The following SYNE2 variants were observed in gnomAD, a reference collection of about 807,000 sequenced individuals.
SYNE2 encodes the protein nesprin-2.
Under a neutral mutation model 856.3 loss-of-function variants are expected in SYNE2, and 431 were observed. That is an observed-to-expected ratio of 0.50 (90% CI 0.47 to 0.55). The LOEUF (loss-of-function observed/expected upper bound fraction) is 0.55. Ranked by LOEUF, SYNE2 falls within the 20% of genes least tolerant of loss-of-function variation. SYNE2 has a pLI of 0.00. For missense variants in SYNE2, 8,129 were observed against 8,023.2 expected, an observed-to-expected ratio of 1.01 and a Z score of -0.50; for synonymous variants, 2,923 against 2,872.3, an observed-to-expected ratio of 1.02 and a Z score of -0.56.
chr14:64,179,341 G>A (rs1052428808), intron 96 of SYNE2, among the ~76,000 whole-genome samples: 3 of 152,144 alleles, frequency 2.0e-5, no homozygotes, highest in Admixed American at 6.5e-5. Flanking sequence ...GTTTCGCCAC[G>A]TTGGCCAGGC....
chr14:64,149,480 G>A (rs371025085), intron 84 of SYNE2, among the ~76,000 whole-genome samples: 18 of 152,206 alleles, frequency 1.2e-4, no homozygotes, highest in East Asian at 1.2e-3. Flanking sequence ...GAAATATTCC[G>A]AAGGGCTTCT....
chr14:64,075,804 A>C, intron 53 of SYNE2, 141 bp from the exon 54 acceptor site: 1 of 815,058 alleles, frequency 1.2e-6, no homozygotes, highest in Admixed American at 2.0e-5. Flanking sequence ...GGGCTTAATC[A>C]GCTTGTATCA....
intron 7 of SYNE2, among the ~76,000 whole-genome samples, chr14:63,952,293 C>T (rs531548053): frequency 6.6e-6 from 1 of 152,222 alleles, no homozygotes; most frequent in African/African-American, 2.4e-5. Context: ...GCTGGTTCAA[C>T]ACTCAAGGTG....
At chr14:63,938,773 G>A (rs1216043729) in intron 2 of SYNE2, among the ~76,000 whole-genome samples, 1 of 152,196 alleles carries the variant, frequency 6.6e-6, no homozygotes, top group Non-Finnish European at 1.5e-5. Context: ...TATTGGGCAT[G>A]GAGGGGATTT....
intron 1 of SYNE2, among the ~76,000 whole-genome samples, chr14:63,800,756 A>C (rs1406495295): frequency 1.3e-5 from 2 of 152,222 alleles, no homozygotes; most frequent in African/African-American, 4.8e-5. Context: ...GTGGGAGCTA[A>C]ATGATGAGAA....
chr14:64,190,016 G>C (rs1368586186), intron 98 of SYNE2, 55 bp from the exon 99 acceptor site: 1 of 1,585,384 alleles, frequency 6.3e-7, no homozygotes, highest in Non-Finnish European at 8.7e-7. Flanking sequence ...TGTGGCTGGA[G>C]AAGAAATGAG....
At chr14:64,093,320 G>C (rs188996037) in intron 60 of SYNE2, 29 bp from the exon 61 acceptor site, 1 of 1,612,588 alleles carries the variant, frequency 6.2e-7, no homozygotes, top group Admixed American at 1.7e-5. Flanking sequence ...TTATGACAAA[G>C]ATTCTTTTTT....
chr14:64,081,612 T>C (rs1267665356), intron 57 of SYNE2, 32 bp downstream of exon 57: 3 of 1,612,104 alleles, frequency 1.9e-6, no homozygotes, highest in Non-Finnish European at 2.5e-6. Flanking sequence ...CTGCCACTCA[T>C]AGCATCTACA....
At chr14:64,150,624 T>C (rs1246426058) in intron 84 of SYNE2, among the ~76,000 whole-genome samples, 2 of 152,174 alleles carry the variant, frequency 1.3e-5, no homozygotes, top group Non-Finnish European at 2.9e-5. Flanking sequence ...TTTCTTTACA[T>C]TATAGGGGAA....
Position 64,065,449 on chromosome 14 carries a change from T to C in SYNE2, c.10230T>C (p.Leu3410=), listed in dbSNP as rs2097351776. The C allele has an allele frequency of 2.5e-6, 4 of 1,614,186 alleles. No individual in the cohort carries two copies. In the East Asian group the frequency reaches 8.9e-5, roughly 36 times the overall value. Residue 3410 remains leucine, a synonymous_variant, in exon 51 of 116, where the codon CTT becomes CTC. Coordinates refer to ENST00000555002, the MANE Select transcript of SYNE2 (RefSeq NM_182914.3). ...TTCTTAAGGCCTTGGTGTCAAATCT[T>C]ATATCAACCAAAGAAGAGTTAATGA... ...LEQSKALVSN[L]ISTKEELMKL...
intron 61 of SYNE2, among the ~76,000 whole-genome samples, chr14:64,093,838 A>G (rs1043128875): frequency 6.6e-6 from 1 of 152,112 alleles, no homozygotes; most frequent in African/African-American, 2.4e-5. Flanking sequence ...AGCTTGAAGC[A>G]TTTTGATGTG....
chr14:63,899,798 G>A (rs1195082101), intron 1 of SYNE2, among the ~76,000 whole-genome samples: 2 of 152,208 alleles, frequency 1.3e-5, no homozygotes, highest in Non-Finnish European at 2.9e-5. Flanking sequence ...CACTGTGCCT[G>A]AGTGTTTTCA....
Position 63,968,917 on chromosome 14 carries a change from T to C in SYNE2, c.1128+1071T>C, listed in dbSNP as rs181380188. Among the ~76,000 whole-genome samples, 24 of 152,356 alleles carry C rather than the reference T, an allele frequency of 1.6e-4. No individual in the cohort carries two copies. In the East Asian group the frequency reaches 3.1e-3, roughly 20 times the overall value. On this transcript the variant is annotated intron_variant, in intron 11 of 115. Transcript: ENST00000555002. ...TGACTGTAGTCACCGTGTTGTGCTA[T>C]CAAATAGTAGGTCTTATTTGTTCTT...
intron 95 of SYNE2, among the ~76,000 whole-genome samples, chr14:64,175,845 G>A (rs1035974138): frequency 9.9e-5 from 15 of 152,154 alleles, no homozygotes; most frequent in African/African-American, 3.4e-4. Context: ...TATATGCTGA[G>A]TTAGGGCTTG....
At chr14:64,001,154 A>G (rs1031528170) in intron 28 of SYNE2, among the ~76,000 whole-genome samples, 25 of 152,192 alleles carry the variant, frequency 1.6e-4, no homozygotes, top group African/African-American at 6.0e-4. Flanking sequence ...CTCAGAGTCT[A>G]TATATTACTT....
intron 12 of SYNE2, among the ~76,000 whole-genome samples, chr14:63,977,503 C>T (rs1000334248): frequency 1.4e-4 from 22 of 152,288 alleles, no homozygotes; most frequent in African/African-American, 3.1e-4. Flanking sequence ...TGAGCCACCA[C>T]GCCCAGCCAA....
In SYNE2 at chr14:63,976,644, G is replaced by A; in HGVS notation, c.1210G>A (p.Glu404Lys). 6.2e-7 allele frequency: 1 copy of A among 1,608,458 alleles called. No homozygotes were observed. The highest frequency in any genetic ancestry group is 8.5e-7 in the Non-Finnish European group (1 of 1,179,330). The change falls in exon 12 of 116, where the codon GAG becomes AAG. Residue 404 changes from glutamate to lysine, a missense_variant. By Grantham distance (56) the Glu-to-Lys change is moderately conservative. Transcript: ENST00000555002. Reference sequence around the variant, plus strand: ...TGAAGCTTGGCTCCAGGAGGTAGAAGAGCTTATGGATGAAGATTTGTCAGC... The same window carrying A: ...TGAAGCTTGGCTCCAGGAGGTAGAAAAGCTTATGGATGAAGATTTGTCAGC... ...QTEAWLQEVE[E>K]LMDEDLSASQ...
chr14:63,790,973 T>G (rs955165971), intron 1 of SYNE2, among the ~76,000 whole-genome samples: 15 of 152,044 alleles, frequency 9.9e-5, no homozygotes, highest in East Asian at 1.9e-4. Flanking sequence ...AGAATTTTTT[T>G]TTTTTAGACA....
chr14:63,887,734 C>T (rs2095030118), intron 1 of SYNE2, among the ~76,000 whole-genome samples: 1 of 148,808 alleles, frequency 6.7e-6, no homozygotes, highest in African/African-American at 2.5e-5. Context: ...CTTTTGTGGA[C>T]TACTGTGAGT....
Sources: allele counts gnomAD v4.1 joint callset (sites outside exome capture counted in the v4.1 genomes callset), GRCh38; gene constraint gnomAD v4.1.1; transcripts MANE v1.5; gene names NCBI Gene and HGNC (gene_info 2026-07-23, HGNC 2026-07-21).